Variants in ERICH1 observed in about 807,000 individuals in gnomAD.
The protein encoded by ERICH1 is glutamate-rich protein 1.
ERICH1 carries 56 observed loss-of-function variants against 39.6 expected under a neutral mutation model. The ratio of observed to expected loss-of-function variants is 1.41; its 90% CI spans 1.14 to 1.77. The LOEUF is 1.77. Among genes scored for constraint, ERICH1 ranks in the 40% most tolerant of loss-of-function variants. The pLI, the probability that ERICH1 is intolerant of heterozygous loss-of-function variation, is 0.00. For synonymous variants in ERICH1, 313 were observed against 223.6 expected (o/e 1.40, Z -3.57); for missense variants, 826 against 575.4 (o/e 1.44, Z -4.45).
At chr8:727,731 C>T (rs1819106992) in intron 1 of ERICH1, among the ~76,000 whole-genome samples, 1 of 152,180 alleles carries the variant, frequency 6.6e-6, no homozygotes, top group African/African-American at 2.4e-5. Context: ...ACAGAAGGCC[C>T]AGCCGGGCCA....
chr8:665,312 C>T (rs972040194), intron 5 of ERICH1, among the ~76,000 whole-genome samples: 4 of 152,196 alleles, frequency 2.6e-5, no homozygotes, highest in Non-Finnish European at 4.4e-5. Flanking sequence ...CCTCTGAGCC[C>T]GCCGGCCCTG....
At chr8:614,894 C>G in exon 4 of ERICH1, 1 of 235,302 alleles carries the variant, frequency 4.2e-6, no homozygotes, top group Non-Finnish European at 8.1e-6. Flanking sequence ...CAATTAGGTT[C>G]CTCAGTTGCA....
rs556026266 is a variant in ERICH1 at position 640,079 on chromosome 8, C to A, written c.977-24795G>T. 9.2e-5 allele frequency among the ~76,000 whole-genome samples: 14 copies of A among 152,264 alleles called. 1 individual carries two copies. The South Asian group carries it at 2.9e-3, about 32-fold the overall frequency. On this transcript the variant is annotated intron_variant, in intron 3 of 3. Transcript: ENST00000522706. Reference sequence around the variant, plus strand: ...TTGTACCACACAGCTGTCATCCCCACTTCACAGAGGAAGAAACTCAGGGGG... The same window carrying A: ...TTGTACCACACAGCTGTCATCCCCAATTCACAGAGGAAGAAACTCAGGGGG...
intron 2 of ERICH1, among the ~76,000 whole-genome samples, chr8:694,921 C>T (rs1157188136): frequency 6.6e-6 from 1 of 152,114 alleles, no homozygotes. Flanking sequence ...CACAGCTGCC[C>T]TGGACCTGGC....
intron 3 of ERICH1, among the ~76,000 whole-genome samples, chr8:650,556 G>A (rs1287425666): frequency 6.6e-6 from 1 of 152,168 alleles, no homozygotes; most frequent in Admixed American, 6.5e-5. Context: ...CCCCGAGGCC[G>A]GCCCCAGACA....
At chr8:678,898 C>G (rs1397798482) in intron 3 of ERICH1, among the ~76,000 whole-genome samples, 1 of 152,144 alleles carries the variant, frequency 6.6e-6, no homozygotes, top group Non-Finnish European at 1.5e-5. Flanking sequence ...ACGTCCCTCA[C>G]GGCTCTGGGC....
intron 2 of ERICH1, among the ~76,000 whole-genome samples, chr8:697,897 T>C (rs1159362779): frequency 1.3e-5 from 2 of 151,740 alleles, no homozygotes; most frequent in Non-Finnish European, 2.9e-5. Flanking sequence ...AGACGAGGAG[T>C]GTAGGGACCA....
intron 3 of ERICH1, among the ~76,000 whole-genome samples, chr8:631,519 G>A (rs756064834): frequency 1.3e-5 from 2 of 152,180 alleles, no homozygotes; most frequent in Non-Finnish European, 2.9e-5. Flanking sequence ...AAGTGGTGAC[G>A]GATTGGGCGA....
At chr8:628,993 A>G (rs574347673) in intron 3 of ERICH1, among the ~76,000 whole-genome samples, 17 of 152,238 alleles carry the variant, frequency 1.1e-4, no homozygotes, top group Non-Finnish European at 2.2e-4. Flanking sequence ...GCTGGCTTGA[A>G]TCCATCAGCA....
rs373778382 is a variant in ERICH1 at position 673,648 on chromosome 8, G to A, written c.704C>T (p.Ala235Val). The A allele has an allele frequency of 2.7e-5, 43 of 1,612,512 alleles. No homozygotes were observed. Among genetic ancestry groups the A allele is most frequent in the African/African-American group, 2.4e-4 (18 of 74,468 alleles). The change falls in exon 4 of 6, where the codon GCG becomes GTG. Residue 235 changes from alanine to valine, a missense_variant. Transcript: ENST00000262109. ...TGTCAGGTCTTCCTCGCTAGCGTCC[G>A]CACCATCTTCCTCCCTGGTATCTTT... Reference protein sequence around the residue: ...DVKDTREEDGADASEEDLTRA... With the variant: ...DVKDTREEDGVDASEEDLTRA...
At chr8:710,982 C>G (rs764251794) in intron 2 of ERICH1, among the ~76,000 whole-genome samples, 27 of 152,200 alleles carry the variant, frequency 1.8e-4, no homozygotes, top group Non-Finnish European at 2.9e-4. Flanking sequence ...TTTGCATTCC[C>G]ATCTGCAGTG....
intron 1 of ERICH1, among the ~76,000 whole-genome samples, chr8:728,775 A>T (rs1019485512): frequency 4.6e-5 from 7 of 152,206 alleles, no homozygotes; most frequent in African/African-American, 1.7e-4. Context: ...CATAACATAG[A>T]GCACATTTGA....
In ERICH1 at chr8:673,326, A is replaced by G; in HGVS notation, c.1026T>C (p.Asn342=). ...ACATTTCCTGTGTTGACTTCAAAAA[A>G]TTTAGAATACTGTGTGCCTTTTCAT... ...ITNEKAHSIL[N]FLKSTQEMYF... The change falls in exon 4 of 6, where the codon AAT becomes AAC. Residue 342 remains asparagine (N), a synonymous_variant. Coordinates refer to ENST00000262109, the MANE Select transcript of ERICH1 (RefSeq NM_207332.3). The G allele has an allele frequency of 6.2e-7, 1 of 1,611,140 alleles. No homozygotes were observed. The highest frequency in any genetic ancestry group is 8.5e-7 in the Non-Finnish European group (1 of 1,177,476).
At chr8:726,330 C>A (rs945970745) in intron 1 of ERICH1, among the ~76,000 whole-genome samples, 4 of 151,754 alleles carry the variant, frequency 2.6e-5, no homozygotes, top group African/African-American at 9.7e-5. Flanking sequence ...CACGTGTATG[C>A]AGGCACACAA....
chr8:625,672 C>G (rs1369720824), intron 3 of ERICH1: 1 of 152,202 alleles, frequency 6.6e-6, no homozygotes, highest in African/African-American at 2.4e-5. Context: ...GGACGGAACT[C>G]ACACATCTTC....
At chr8:730,972 G>A (rs1237629468) in intron 1 of ERICH1, among the ~76,000 whole-genome samples, 168 bp downstream of exon 1, 2 of 152,174 alleles carry the variant, frequency 1.3e-5, no homozygotes, top group Admixed American at 1.3e-4. Context: ...GCCGCGGTCC[G>A]GGGTAAGAGC....
intron 5 of ERICH1, among the ~76,000 whole-genome samples, 171 bp from the exon 6 acceptor site, chr8:664,847 A>T (rs1177399078): frequency 2.0e-5 from 3 of 152,260 alleles, no homozygotes; most frequent in African/African-American, 7.2e-5. Context: ...ATACTTGTTA[A>T]TCACACATTA....
At chr8:677,181 G>C (rs4735815) in intron 3 of ERICH1, among the ~76,000 whole-genome samples, 3 of 152,232 alleles carry the variant, frequency 2.0e-5, no homozygotes, top group Non-Finnish European at 2.9e-5. Context: ...CCCATGACTC[G>C]ATAAAGCAGT....
intron 3 of ERICH1, among the ~76,000 whole-genome samples, chr8:653,216 C>A (rs1484602750): frequency 2.0e-5 from 3 of 152,246 alleles, no homozygotes; most frequent in African/African-American, 4.8e-5. Context: ...ATCTACAGAT[C>A]AATGGACAAA....
Sources: allele counts gnomAD v4.1 joint callset (sites outside exome capture counted in the v4.1 genomes callset), GRCh38; gene constraint gnomAD v4.1.1; transcripts MANE v1.5; gene names NCBI Gene and HGNC (gene_info 2026-07-23, HGNC 2026-07-21).